The following PTPRD variants were observed in gnomAD, a reference collection of about 807,000 sequenced individuals.
PTPRD encodes the protein protein tyrosine phosphatase receptor type D, also known as receptor-type tyrosine-protein phosphatase delta.
PTPRD carries 34 observed loss-of-function variants against 214.5 expected under a neutral mutation model. That is an observed-to-expected ratio of 0.16 (90% confidence interval 0.12 to 0.21). The LOEUF is 0.21. Ranked by LOEUF, PTPRD falls within the 10% of genes least tolerant of loss-of-function variation. The probability of loss-of-function intolerance (pLI) is 1.00; values close to 1 mark genes in which losing one functional copy is unlikely to be tolerated. For synonymous variants in PTPRD, 1,128 were observed against 845.7 expected (o/e 1.33, Z -5.79); for missense variants, 2,545 against 2,398.7 (o/e 1.06, Z -1.27).
chr9:9,904,076 C>T (rs2077010659), intron 5 of PTPRD, among the ~76,000 whole-genome samples: 1 of 152,080 alleles, frequency 6.6e-6, no homozygotes, highest in Non-Finnish European at 1.5e-5. Context: ...AGACAGTTTC[C>T]CAAAGCACAG....
chr9:9,656,602 G>T (rs1224688176), intron 7 of PTPRD, among the ~76,000 whole-genome samples: 1 of 152,082 alleles, frequency 6.6e-6, no homozygotes. Context: ...AAAGATCCAT[G>T]ATTGCCAGGT....
intron 3 of PTPRD, among the ~76,000 whole-genome samples, chr9:10,086,376 G>A (rs543499624): frequency 1.3e-5 from 2 of 151,548 alleles, no homozygotes; most frequent in Admixed American, 6.6e-5. Context: ...CTCCTTTTCA[G>A]CCACTGTGAT....
At chr9:10,065,180 A>AAAGAAAGAAAGAAAGAAAGAAAGG (rs147434150) in intron 3 of PTPRD, among the ~76,000 whole-genome samples, 4,517 of 150,278 alleles carry the variant, frequency 0.03, 108 homozygotes, top group Non-Finnish European at 0.041. Context: ...AGAAAGAAAG[A>AAAGAAAGAAAGAAAGAAAGAAAGG]AAGAAAGAAA....
At chr9:8,422,051 T>C (rs1295044182) in intron 35 of PTPRD, among the ~76,000 whole-genome samples, 1 of 139,252 alleles carries the variant, frequency 7.2e-6, no homozygotes, top group African/African-American at 2.7e-5. Context: ...GAGGCTGAGA[T>C]GGGAGGATCA....
chr9:8,724,108 T>G (rs186561773), intron 12 of PTPRD, among the ~76,000 whole-genome samples: 1 of 152,278 alleles, frequency 6.6e-6, no homozygotes, highest in East Asian at 1.9e-4. Flanking sequence ...TAACAGATAT[T>G]AACAAAAAGA....
At chr9:9,791,520 C>T (rs1004813658) in intron 5 of PTPRD, among the ~76,000 whole-genome samples, 8 of 152,116 alleles carry the variant, frequency 5.3e-5, no homozygotes, top group African/African-American at 1.7e-4. Context: ...ATAATGGGTT[C>T]TATCACCCCT....
At chr9:9,351,257 G>T (rs2051005573) in intron 9 of PTPRD, among the ~76,000 whole-genome samples, 1 of 151,954 alleles carries the variant, frequency 6.6e-6, no homozygotes, top group South Asian at 2.1e-4. Context: ...CATCTTGTAG[G>T]AAAGAGAACA....
intron 27 of PTPRD, among the ~76,000 whole-genome samples, chr9:8,491,493 T>G (rs1409042721): frequency 3.3e-5 from 5 of 151,982 alleles, no homozygotes; most frequent in Admixed American, 6.6e-5. Context: ...TATTTATAAG[T>G]GTAGGTAAAT....
intron 5 of PTPRD, among the ~76,000 whole-genome samples, chr9:9,893,531 A>C (rs2074056223): frequency 6.6e-6 from 1 of 152,190 alleles, no homozygotes; most frequent in African/African-American, 2.4e-5. Context: ...TATATGTAGG[A>C]AATATAAAAG....
rs1821805846 is a variant in PTPRD, at chr9:8,316,420, TTC to T, written c.*1452_*1453del. ...AGGAATGCTGTATGCCACAAAATGT[TTC>T]TGACTGAACAGAGTAACATGAATTT... On this transcript the variant is annotated 3_prime_UTR_variant, in exon 46 of 46. Transcript: ENST00000381196. 4.3e-6 allele frequency: 1 copy of T among 231,166 alleles called. No homozygotes were observed. Among genetic ancestry groups the T allele is most frequent in the South Asian group, 1.8e-4 (1 of 5,510 alleles). The allele number at this position is 231,166 out of a possible 1,614,324, so 14.3% of individuals were successfully genotyped here.
intron 14 of PTPRD, among the ~76,000 whole-genome samples, chr9:8,598,735 A>G (rs1354454133): frequency 6.6e-6 from 1 of 152,152 alleles, no homozygotes; most frequent in African/African-American, 2.4e-5. Flanking sequence ...CTTTCATTGG[A>G]AGAGCCATTT....
At chr9:9,416,582 ATG>A (rs141396196) in intron 8 of PTPRD, among the ~76,000 whole-genome samples, 13,046 of 152,114 alleles carry the variant, frequency 0.086, 636 homozygotes, top group Non-Finnish European at 0.11. Flanking sequence ...TTCCTCTCTA[ATG>A]TTATTCCTTG....
chr9:8,784,004 C>T (rs552210458), intron 11 of PTPRD, among the ~76,000 whole-genome samples: 38 of 152,220 alleles, frequency 2.5e-4, no homozygotes, highest in East Asian at 7.7e-4. Flanking sequence ...AATGATAATT[C>T]GTCATATATC....
chr9:9,861,957 G>C (rs1226388482), intron 5 of PTPRD, among the ~76,000 whole-genome samples: 7 of 152,070 alleles, frequency 4.6e-5, no homozygotes, highest in Admixed American at 4.6e-4. Context: ...AAAATATTTG[G>C]TTATTTCCAT....
At chr9:8,525,128 G>A (rs377749667) in intron 17 of PTPRD, 93 bp from the exon 18 acceptor site, 4 of 1,065,396 alleles carry the variant, frequency 3.8e-6, no homozygotes, top group African/African-American at 3.1e-5. Flanking sequence ...GAAAAGCCCT[G>A]CAAAGCGAAG....
chr9:10,551,435 A>G (rs1367825911), intron 2 of PTPRD, among the ~76,000 whole-genome samples: 1 of 152,124 alleles, frequency 6.6e-6, no homozygotes, highest in Non-Finnish European at 1.5e-5. Context: ...AAAAATATAT[A>G]TGTTGAAATC....
At chr9:9,721,029 T>C (rs2097928399) in intron 7 of PTPRD, among the ~76,000 whole-genome samples, 1 of 152,146 alleles carries the variant, frequency 6.6e-6, no homozygotes, top group African/African-American at 2.4e-5. Context: ...AAAATAACTG[T>C]TGGGTACGAG....
At chr9:8,335,071 A>C (rs899218910) in intron 43 of PTPRD, among the ~76,000 whole-genome samples, 1 of 152,154 alleles carries the variant, frequency 6.6e-6, no homozygotes, top group Non-Finnish European at 1.5e-5. Context: ...CCAGAGGTAC[A>C]AAGAGGAGTT....
chr9:10,322,282 T>C (rs1479772420), intron 3 of PTPRD, among the ~76,000 whole-genome samples: 1 of 151,846 alleles, frequency 6.6e-6, no homozygotes, highest in Non-Finnish European at 1.5e-5. Context: ...CTTAACTGCA[T>C]AAAAAAATAA....
Sources: allele counts gnomAD v4.1 joint callset (sites outside exome capture counted in the v4.1 genomes callset), GRCh38; gene constraint gnomAD v4.1.1; transcripts MANE v1.5; gene names NCBI Gene and HGNC (gene_info 2026-07-23, HGNC 2026-07-21).